Variants in COL28A1 observed in about 807,000 individuals in gnomAD.
The protein encoded by COL28A1 is collagen type XXVIII alpha 1 chain.
Under a neutral mutation model 150.2 loss-of-function variants are expected in COL28A1, and 161 were observed. The observed-to-expected ratio is 1.07, with a 90% CI of 0.94 to 1.22. COL28A1 has a LOEUF of 1.22. Ranked by LOEUF, COL28A1 falls within the 50% of genes most tolerant of loss-of-function variation. The pLI is 0.00. For missense variants in COL28A1, 1,617 were observed against 1,388.3 expected (o/e 1.16, Z -2.62); for synonymous variants, 552 against 469.7 (o/e 1.18, Z -2.26).
intron 8 of COL28A1, among the ~76,000 whole-genome samples, chr7:7,515,506 G>C (rs1434965909): frequency 1.3e-5 from 2 of 152,152 alleles, no homozygotes; most frequent in Non-Finnish European, 2.9e-5. Flanking sequence ...GAATCTGTTT[G>C]TGTAAAGAAA....
chr7:7,381,618 T>A lies in COL28A1; in HGVS notation c.2137-6A>T, dbSNP rs937872246. ...CCTTGTGGTCCTTGTTCCCCCTACA[T>A]AGGATATGAGAAAGAGATGTTCTAT... On this transcript the variant is annotated splice_polypyrimidine_tract_variant and splice_region_variant and intron_variant, in intron 27 of 34. Coordinates refer to ENST00000399429, the MANE Select transcript of COL28A1 (RefSeq NM_001037763.3). 4 of 1,609,302 alleles carry A rather than the reference T, an allele frequency of 2.5e-6. No individual in the cohort carries two copies. The African/African-American group carries it at 4.0e-5, about 16-fold the overall frequency.
chr7:7,443,931 C>T (rs889407526), intron 19 of COL28A1, among the ~76,000 whole-genome samples: 8 of 150,484 alleles, frequency 5.3e-5, no homozygotes, highest in South Asian at 4.2e-4. Context: ...GCTCTTCATT[C>T]GCATTTGGTA....
rs1391268887 is a variant in COL28A1 at position 7,437,394 on chromosome 7, C to A, written c.1791G>T (p.Lys597Asn). The A allele has an allele frequency of 6.2e-7, 1 of 1,612,800 alleles. No individual in the cohort carries two copies. The highest frequency in any genetic ancestry group is 2.2e-5 in the East Asian group (1 of 44,854). Residue 597 changes from lysine (K) to asparagine (N), a missense_variant and splice_region_variant, in exon 22 of 35, where the codon AAG becomes AAT. Coordinates refer to ENST00000399429, the MANE Select transcript of COL28A1 (RefSeq NM_001037763.3). Reference protein sequence around the residue: ...GTSIPGPPGPKGDRGGPGIPG... With the variant: ...GTSIPGPPGPNGDRGGPGIPG... ...GAAAATAATCTCCAAGAATATATAC[C>A]TTTGGCCCAGGTGGTCCAGGAATTG...
In COL28A1 at chr7:7,532,887, G is replaced by A. The variant is rs1411349855; in HGVS notation, c.-12C>T. On this transcript the variant is annotated 5_prime_UTR_variant, in exon 2 of 35. Transcript: ENST00000399429. ...TATCTGTTCCACATTATGGTAGATG[G>A]TGAAAAATCATCTGTCTTGTAGCAC... is the stretch of plus-strand genomic sequence containing the variant. 2.5e-6 allele frequency: 4 copies of A among 1,589,294 alleles called. No homozygotes were observed. Among genetic ancestry groups the A allele is most frequent in the African/African-American group, 2.7e-5 (2 of 73,324 alleles).
chr7:7,438,705 CAG>C (rs1177845035), intron 21 of COL28A1, among the ~76,000 whole-genome samples: 2 of 152,078 alleles, frequency 1.3e-5, no homozygotes, highest in African/African-American at 4.8e-5. Context: ...AGCTTATAAA[CAG>C]AAATTACAAT....
chr7:7,440,133 C>T (rs1208955419), intron 21 of COL28A1, among the ~76,000 whole-genome samples: 1 of 152,166 alleles, frequency 6.6e-6, no homozygotes, highest in Admixed American at 6.5e-5. Flanking sequence ...GCTCACCTCA[C>T]AATCCCCTTC....
At chr7:7,522,842 G>A (rs975435671) in intron 4 of COL28A1, among the ~76,000 whole-genome samples, 6 of 92,634 alleles carry the variant, frequency 6.5e-5, no homozygotes, top group East Asian at 3.4e-4. Flanking sequence ...AAAAAGGGCC[G>A]TGCATACATT....
At chr7:7,417,502 AGGGGGAGGGAAGGAGGGAG>A (rs1784147283) in intron 27 of COL28A1, 2 of 185,178 alleles carry the variant, frequency 1.1e-5, no homozygotes, top group Non-Finnish European at 1.8e-5. Flanking sequence ...GGAAGGAGGG[AGGGGGAGGGAAGGAGGGAG>A]GGGGGAGGGA....
At chr7:7,501,702 G>A (rs2115096752) in intron 11 of COL28A1, among the ~76,000 whole-genome samples, 1 of 152,182 alleles carries the variant, frequency 6.6e-6, no homozygotes, top group South Asian at 2.1e-4. Flanking sequence ...TTTTTCAAGG[G>A]TCACATGTGA....
At chr7:7,439,990 CCTT>C (rs756283760) in intron 21 of COL28A1, among the ~76,000 whole-genome samples, 3 of 152,188 alleles carry the variant, frequency 2.0e-5, no homozygotes, top group Admixed American at 6.5e-5. Context: ...AAAATATACT[CCTT>C]GTCTCTTTCT....
intron 11 of COL28A1, among the ~76,000 whole-genome samples, chr7:7,502,084 G>A (rs149006969): frequency 2.4e-4 from 36 of 152,192 alleles, no homozygotes; most frequent in African/African-American, 7.7e-4. Flanking sequence ...TAGTAGAGAC[G>A]GGGTTTCACC....
downstream of COL28A1, among the ~76,000 whole-genome samples, chr7:7,355,510 T>G (rs1780326503): frequency 6.6e-6 from 1 of 152,052 alleles, no homozygotes; most frequent in African/African-American, 2.4e-5. Flanking sequence ...CTCAGGAGGC[T>G]GAGGTGAGAG....
At chr7:7,386,957 G>A (rs1447281473) in intron 27 of COL28A1, among the ~76,000 whole-genome samples, 1 of 152,158 alleles carries the variant, frequency 6.6e-6, no homozygotes, top group African/African-American at 2.4e-5. Flanking sequence ...TTCATAGGTG[G>A]CACCTTCTTG....
At chr7:7,478,666 C>T (rs1254290912) in intron 13 of COL28A1, among the ~76,000 whole-genome samples, 1 of 152,256 alleles carries the variant, frequency 6.6e-6, no homozygotes, top group Non-Finnish European at 1.5e-5. Flanking sequence ...GCATGGCAGT[C>T]TGCAGGTCCC....
intron 13 of COL28A1, among the ~76,000 whole-genome samples, chr7:7,485,816 C>T (rs909936246): frequency 1.3e-5 from 2 of 152,094 alleles, no homozygotes; most frequent in South Asian, 4.1e-4. Context: ...GATCATATTT[C>T]TATAATTTGC....
upstream of COL28A1, among the ~76,000 whole-genome samples, chr7:7,537,980 T>G (rs890805054): frequency 1.3e-5 from 2 of 152,170 alleles, no homozygotes; most frequent in African/African-American, 4.8e-5. Context: ...ACTAAAGCCC[T>G]CCTGCCTTGG....
In COL28A1 at chr7:7,531,445, T is replaced by A; in HGVS notation, c.584A>T (p.Asn195Ile). 1 of 1,600,468 alleles carries A rather than the reference T, an allele frequency of 6.2e-7. No homozygotes were observed. The highest frequency in any genetic ancestry group is 8.6e-7 in the Non-Finnish European group (1 of 1,167,924). ...AGAAATCAAACGAAGTTTGGCTTCATTGACTACCGTAGAAAGTGCAATGGT... is the reference window on the plus strand; with the variant it reads ...AGAAATCAAACGAAGTTTGGCTTCAATGACTACCGTAGAAAGTGCAATGGT... ...FITIALSTVV[N>I]EAKLRLISGD... Residue 195 changes from asparagine to isoleucine, a missense_variant, in exon 3 of 35, where the codon AAT (asparagine) becomes ATT (isoleucine). Transcript: ENST00000399429.
the COL28A1 span, among the ~76,000 whole-genome samples, chr7:7,349,289 G>A: frequency 6.6e-5 from 10 of 152,166 alleles, no homozygotes; most frequent in Admixed American, 1.3e-4. Flanking sequence ...CCCAGAATAC[G>A]TAGTCTATCC....
At chr7:7,450,155 C>T (rs1786575797) in intron 18 of COL28A1, among the ~76,000 whole-genome samples, 1 of 152,088 alleles carries the variant, frequency 6.6e-6, no homozygotes, top group South Asian at 2.1e-4. Flanking sequence ...AGAGGTGGTA[C>T]TGCAAATCAG....
Sources: gnomAD v4.1 joint callset for allele counts (sites outside exome capture counted in the v4.1 genomes callset) on GRCh38, gnomAD v4.1.1 for gene constraint, MANE v1.5 for transcripts, NCBI Gene and HGNC (gene_info 2026-07-23, HGNC 2026-07-21) for gene names.